Variants in ZNF385B observed in about 807,000 individuals in gnomAD.
ZNF385B encodes the protein zinc finger protein 533.
ZNF385B carries 23 observed loss-of-function variants against 39.2 expected under a neutral mutation model. That is an observed-to-expected ratio of 0.59 (90% confidence interval 0.42 to 0.83). The LOEUF (loss-of-function observed/expected upper bound fraction) is 0.83. Among genes scored for constraint, ZNF385B ranks in the 40% least tolerant of loss-of-function variants. The pLI is 0.00. For synonymous variants in ZNF385B, 205 were observed against 222.6 expected (o/e 0.92, Z 0.70); for missense variants, 552 against 598.9 (o/e 0.92, Z 0.82).
chr2:179,593,472 C>T (rs927009522), intron 3 of ZNF385B, among the ~76,000 whole-genome samples: 32 of 152,100 alleles, frequency 2.1e-4, no homozygotes, highest in African/African-American at 7.5e-4. Context: ...TCTTAAATTA[C>T]TAAATTGAAC....
At chr2:179,643,496 T>A (rs1692447388) in intron 3 of ZNF385B, among the ~76,000 whole-genome samples, 1 of 152,152 alleles carries the variant, frequency 6.6e-6, no homozygotes, top group African/African-American at 2.4e-5. Flanking sequence ...CTAGTTCCAC[T>A]GTGTTATCAA....
At chr2:179,470,487 C>CCT (rs2052625502) in intron 6 of ZNF385B, among the ~76,000 whole-genome samples, 1 of 151,876 alleles carries the variant, frequency 6.6e-6, no homozygotes, top group African/African-American at 2.4e-5. Flanking sequence ...TGGTTTGGCC[C>CCT]CCCCGGGCTA....
At chr2:179,760,223 C>CGCGCGTGTGTGTGTGT (rs11282329) in intron 3 of ZNF385B, among the ~76,000 whole-genome samples, 37 of 144,548 alleles carry the variant, frequency 2.6e-4, no homozygotes, top group Middle Eastern at 3.5e-3. Flanking sequence ...TTCCTGTGTG[C>CGCGCGTGTGTGTGTGT]GTGTGTGTGT....
chr2:179,480,498 G>A (rs2053873245), intron 6 of ZNF385B, among the ~76,000 whole-genome samples: 1 of 152,126 alleles, frequency 6.6e-6, no homozygotes, highest in Non-Finnish European at 1.5e-5. Flanking sequence ...CAAAGCTGTG[G>A]GAGCTTTTCA....
At chr2:179,840,052 G>T (rs1308802599) in intron 1 of ZNF385B, among the ~76,000 whole-genome samples, 2 of 152,220 alleles carry the variant, frequency 1.3e-5, no homozygotes, top group Non-Finnish European at 2.9e-5. Flanking sequence ...AAGGGTGAGG[G>T]TCGATCTGGA....
intron 3 of ZNF385B, among the ~76,000 whole-genome samples, chr2:179,595,662 GTT>G (rs1241302784): frequency 6.8e-6 from 1 of 146,398 alleles, no homozygotes; most frequent in East Asian, 2.0e-4. Flanking sequence ...GTCTCACTCT[GTT>G]GCCCAGGCTG....
In ZNF385B at chr2:179,639,075, T is replaced by C. The variant is rs150069542; in HGVS notation, c.299-94106A>G. On this transcript the variant is annotated intron_variant, in intron 3 of 9. Transcript: ENST00000410066. ...TCTCTACAAAAAATACAAAAAATTG[T>C]TCCAAGAGTGGTGGTATGTGCTTGT... Among the ~76,000 whole-genome samples the C allele has an allele frequency of 4.9e-3, 737 of 151,610 alleles. 2 individuals are homozygous for C. Among genetic ancestry groups the C allele is most frequent in the Middle Eastern group, 0.014 (4 of 294 alleles).
chr2:179,583,037 CG>C (rs112380024), intron 3 of ZNF385B, among the ~76,000 whole-genome samples: 1 of 152,034 alleles, frequency 6.6e-6, no homozygotes, highest in African/African-American at 2.4e-5. Context: ...TTAGTAGAGA[CG>C]GGGGTTTCAC....
intron 1 of ZNF385B, among the ~76,000 whole-genome samples, chr2:179,794,002 G>C (rs16866996): frequency 0.013 from 1,922 of 152,296 alleles, 54 homozygotes; most frequent in African/African-American, 0.044. Context: ...AGTTTGGAGA[G>C]GAAAGAACAA....
chr2:179,586,340 T>C (rs147940481), intron 3 of ZNF385B, among the ~76,000 whole-genome samples: 1 of 152,384 alleles, frequency 6.6e-6, no homozygotes, highest in East Asian at 1.9e-4. Flanking sequence ...TCTATTAAAC[T>C]GTCACTTCCT....
chr2:179,798,702 T>C (rs1386587635), intron 1 of ZNF385B, among the ~76,000 whole-genome samples: 1 of 152,180 alleles, frequency 6.6e-6, no homozygotes, highest in Admixed American at 6.6e-5. Flanking sequence ...CCATGGTATA[T>C]ATTCCTTGGT....
intron 3 of ZNF385B, among the ~76,000 whole-genome samples, chr2:179,766,292 A>C (rs985943692): frequency 6.6e-6 from 1 of 151,934 alleles, no homozygotes; most frequent in Admixed American, 6.6e-5. Flanking sequence ...AGGGGAAGTC[A>C]CCTCTTAAAT....
At chr2:179,857,527 G>C (rs1256773019) in intron 1 of ZNF385B, among the ~76,000 whole-genome samples, 2 of 152,182 alleles carry the variant, frequency 1.3e-5, no homozygotes, top group African/African-American at 4.8e-5. Context: ...CTTCCTAGCA[G>C]AGGGAACAAC....
At chr2:179,533,449 A>G (rs934335750) in intron 4 of ZNF385B, among the ~76,000 whole-genome samples, 1 of 152,218 alleles carries the variant, frequency 6.6e-6, no homozygotes, top group African/African-American at 2.4e-5. Context: ...ATGCATATGT[A>G]CATACCCTTG....
intron 3 of ZNF385B, 116 bp downstream of exon 3, chr2:179,769,387 G>A: frequency 6.8e-7 from 1 of 1,460,800 alleles, no homozygotes; most frequent in Non-Finnish European, 9.1e-7. Flanking sequence ...AAGAGTACAT[G>A]TTATCATGGT....
intron 3 of ZNF385B, among the ~76,000 whole-genome samples, chr2:179,705,015 C>G (rs1481301528): frequency 6.6e-6 from 1 of 152,118 alleles, no homozygotes; most frequent in East Asian, 1.9e-4. Context: ...GCTCTGCCCC[C>G]TTTTTTTCCC....
intron 3 of ZNF385B, among the ~76,000 whole-genome samples, chr2:179,683,639 C>G (rs1697704528): frequency 6.6e-6 from 1 of 151,854 alleles, no homozygotes; most frequent in Non-Finnish European, 1.5e-5. Context: ...TAATACCCGG[C>G]TAATTTTTGT....
chr2:179,825,923 CATGA>C (rs1707658278), intron 1 of ZNF385B, among the ~76,000 whole-genome samples: 1 of 152,156 alleles, frequency 6.6e-6, no homozygotes, highest in Non-Finnish European at 1.5e-5. Context: ...TCTGTCCTCC[CATGA>C]TTCTAGGAAT....
At chr2:179,714,951 A>AAAAAACAAAAAAAAAC (rs1559122485) in intron 3 of ZNF385B, among the ~76,000 whole-genome samples, 3 of 150,530 alleles carry the variant, frequency 2.0e-5, no homozygotes, top group African/African-American at 7.4e-5. Flanking sequence ...TCAAAAAAAA[A>AAAAAACAAAAAAAAAC]AAAAAAAAAA....
Sources: gnomAD v4.1 joint callset for allele counts (sites outside exome capture counted in the v4.1 genomes callset) on GRCh38, gnomAD v4.1.1 for gene constraint, MANE v1.5 for transcripts, NCBI Gene and HGNC (gene_info 2026-07-23, HGNC 2026-07-21) for gene names.